Variants in DNAH12 observed in about 807,000 individuals in gnomAD.
DNAH12 encodes dynein axonemal heavy chain 12.
In DNAH12, 285 loss-of-function variants were observed where a neutral mutation model predicts 371.5. That is an observed-to-expected ratio of 0.77 (90% CI 0.70 to 0.85). The LOEUF is 0.85. DNAH12 is among the 40% of genes least tolerant of loss of function. The pLI, the probability that DNAH12 is intolerant of heterozygous loss-of-function variation, is 0.00. For missense variants in DNAH12, 3,611 were observed against 3,689.4 expected (o/e 0.98, Z 0.55); for synonymous variants, 1,200 against 1,213.0 (o/e 0.99, Z 0.22).
intron 49 of DNAH12, among the ~76,000 whole-genome samples, chr3:57,383,101 TC>T (rs1383080826): frequency 2.6e-5 from 4 of 152,166 alleles, no homozygotes; most frequent in Admixed American, 6.5e-5. Context: ...TCTGGAGGCT[TC>T]CTACTCAGAG....
At chr3:57,352,698 C>T (rs2062708148) in intron 59 of DNAH12, among the ~76,000 whole-genome samples, 1 of 151,830 alleles carries the variant, frequency 6.6e-6, no homozygotes, top group East Asian at 1.9e-4. Context: ...GTGTAAGGCT[C>T]TATGGTAGGG....
At chr3:57,534,729 G>A (rs779068270) in intron 2 of DNAH12, among the ~76,000 whole-genome samples, 15 of 152,066 alleles carry the variant, frequency 9.9e-5, no homozygotes, top group Non-Finnish European at 1.9e-4. Flanking sequence ...GTCTGGTCTC[G>A]AACTCCTGAC....
At position 57,334,575 on chromosome 3, in the gene DNAH12, C is replaced by T. The variant is rs2062179772; in HGVS notation, c.9868G>A (p.Glu3290Lys). ...HFCEHIYEWR[E>K]IYDSKEPHNA... ...TGTGGCTCTTTACTGTCATAGATTT[C>T]TCGCCATTCATATATATGTTCACAA... Residue 3290 changes from glutamate (E) to lysine (K), a missense_variant, in exon 62 of 74, where the codon GAA becomes AAA. Physicochemically the swap from Glu to Lys is moderately conservative, Grantham distance 56. Around this residue, in one of 3 missense-constraint regions of DNAH12, gnomAD observed 2,266 missense variants for 2,236.9 expected, o/e 1.01. Transcript: ENST00000495027. 1 of 1,549,442 alleles carries T rather than the reference C, an allele frequency of 6.5e-7. No individual in the cohort carries two copies. Among genetic ancestry groups the T allele is most frequent in the Non-Finnish European group, 8.7e-7 (1 of 1,146,604 alleles).
At chr3:57,332,219 C>A (rs2062115494) in intron 62 of DNAH12, among the ~76,000 whole-genome samples, 2 of 151,988 alleles carry the variant, frequency 1.3e-5, no homozygotes, top group South Asian at 4.2e-4. Flanking sequence ...CAAAATTATC[C>A]CTTTGTAATA....
intron 22 of DNAH12, among the ~76,000 whole-genome samples, chr3:57,456,164 T>C (rs2065897381): frequency 6.6e-6 from 1 of 152,242 alleles, no homozygotes; most frequent in African/African-American, 2.4e-5. Context: ...ATTTCTATAC[T>C]GATTAAAGAA....
At chr3:57,384,369 G>C (rs1040684316) in intron 49 of DNAH12, among the ~76,000 whole-genome samples, 6 of 152,134 alleles carry the variant, frequency 3.9e-5, no homozygotes, top group African/African-American at 1.4e-4. Context: ...AGGCATGGAA[G>C]CTCATGCCTG....
At chr3:57,499,785 C>A (rs1307622722) in intron 11 of DNAH12, among the ~76,000 whole-genome samples, 2 of 146,980 alleles carry the variant, frequency 1.4e-5, no homozygotes, top group East Asian at 2.0e-4. Flanking sequence ...CTGTAGTGAG[C>A]CATGATCATG....
chr3:57,341,268 A>G (rs1294209591), intron 60 of DNAH12, among the ~76,000 whole-genome samples: 3 of 152,136 alleles, frequency 2.0e-5, no homozygotes, highest in African/African-American at 4.8e-5. Flanking sequence ...AGGCAAGGGG[A>G]AAAAAATGAA....
At chr3:57,421,328 A>G (rs1314001645) in intron 36 of DNAH12, among the ~76,000 whole-genome samples, 190 bp downstream of exon 36, 2 of 152,186 alleles carry the variant, frequency 1.3e-5, no homozygotes, top group African/African-American at 4.8e-5. Flanking sequence ...TAAATGTGAA[A>G]TTATAAAAAT....
chr3:57,296,261 AC>A, intron 72 of DNAH12, 82 bp downstream of exon 72: 1 of 1,084,170 alleles, frequency 9.2e-7, no homozygotes, highest in Non-Finnish European at 1.3e-6. Context: ...TTAAAAGAGG[AC>A]TTTTTTTTTA....
intron 69 of DNAH12, among the ~76,000 whole-genome samples, chr3:57,305,385 C>T (rs1210917635): frequency 6.6e-6 from 1 of 152,084 alleles, no homozygotes; most frequent in Non-Finnish European, 1.5e-5. Flanking sequence ...CCCAATTCTT[C>T]CTCAGCCTCC....
chr3:57,350,139 G>A (rs1345818205), intron 60 of DNAH12, among the ~76,000 whole-genome samples: 1 of 152,120 alleles, frequency 6.6e-6, no homozygotes, highest in African/African-American at 2.4e-5. Flanking sequence ...TTGGGAGAAA[G>A]TGTGGGGGGT....
rs1426677026 is a variant in DNAH12 at position 57,391,911 on chromosome 3, G to A, written c.7266C>T (p.Phe2422=). ...TGGTACAGCAATTGATGAGGGATGG[G>A]AACTGTCTCAAGCGATTTCGAAAGG... ...GDAFRNRLRQ[F]PSLINCCTID... is the part of the protein sequence containing the mutation. Residue 2422 remains phenylalanine (F), a synonymous_variant, in exon 45 of 74, where the codon TTC becomes TTT. Coordinates refer to ENST00000495027, the MANE Select transcript of DNAH12 (RefSeq NM_001366028.2). 6.5e-6 allele frequency: 1 copy of A among 152,990 alleles called. No homozygotes were observed. The highest frequency in any genetic ancestry group is 1.5e-5 in the Non-Finnish European group (1 of 68,068). The allele number at this position is 152,990 out of a possible 1,614,324, so 9.5% of individuals were successfully genotyped here. A position where few individuals can be genotyped will look rare whatever the true frequency, so the allele number is the denominator to read the frequency against.
chr3:57,392,602 A>AC (rs2063648314), intron 44 of DNAH12, among the ~76,000 whole-genome samples: 1 of 151,972 alleles, frequency 6.6e-6, no homozygotes, highest in Non-Finnish European at 1.5e-5. Flanking sequence ...ACAAAAACAA[A>AC]AACAAACAAC....
intron 55 of DNAH12, among the ~76,000 whole-genome samples, chr3:57,368,710 C>T (rs2063103726): frequency 6.6e-6 from 1 of 152,166 alleles, no homozygotes; most frequent in African/African-American, 2.4e-5. Flanking sequence ...AGTAGAATTA[C>T]AAACTGTGTC....
At chr3:57,297,782 T>A (rs1212465199) in intron 70 of DNAH12, among the ~76,000 whole-genome samples, 1 of 152,160 alleles carries the variant, frequency 6.6e-6, no homozygotes, top group Non-Finnish European at 1.5e-5. Flanking sequence ...TTCTGCTCAA[T>A]CTATCCAGAA....
Position 57,429,782 on chromosome 3 carries a change from CA to C in DNAH12, c.4981-9del, listed in dbSNP as rs757489969. On this transcript the variant is annotated splice_polypyrimidine_tract_variant and intron_variant, in intron 32 of 73. Coordinates refer to ENST00000495027, the MANE Select transcript of DNAH12 (RefSeq NM_001366028.2). ...TCCACTCATAAGGCAAAGCTAAAAGCAATTATTTTTCAAATGTTTATTTTTT... is the reference window on the plus strand; with the variant it reads ...TCCACTCATAAGGCAAAGCTAAAAGCATTATTTTTCAAATGTTTATTTTTT... 72 of 1,495,186 alleles carry C rather than the reference CA, an allele frequency of 4.8e-5. No homozygotes were observed. Among genetic ancestry groups the C allele is most frequent in the Non-Finnish European group, 6.2e-5 (70 of 1,129,544 alleles). The allele number at this position is 1,495,186 out of a possible 1,614,324, so 92.6% of individuals were successfully genotyped here.
Position 57,507,918 on chromosome 3 carries a change from G to C in DNAH12, c.702-80C>G, listed in dbSNP as rs1285953275. The stretch of plus-strand genomic sequence containing the variant: ...AAACACAATTGTTGGGCCGGGCTCG[G>C]TGGTTCACACCTGTAATCTCAGCAC... On this transcript the variant is annotated intron_variant, in intron 7 of 73. Coordinates refer to ENST00000495027, the MANE Select transcript of DNAH12 (RefSeq NM_001366028.2). 2.3e-6 allele frequency: 3 copies of C among 1,312,568 alleles called. No individual in the cohort carries two copies. The Admixed American group carries it at 7.9e-5, about 34-fold the overall frequency. The allele number at this position is 1,312,568 out of a possible 1,614,324, so 81.3% of individuals were successfully genotyped here. A position where few individuals can be genotyped will look rare whatever the true frequency, so the allele number is the denominator to read the frequency against.
At position 57,323,143 on chromosome 3, in the gene DNAH12, CCTT is replaced by C. The variant is rs1175016679; in HGVS notation, c.10244_10246del (p.Glu3415del). Reference sequence around the variant, plus strand: ...GCAATTCTGTAGGCACACCCAAGTTCCTTCTTCAATTGCTGCTTTAATCATTTT... The same window carrying C: ...GCAATTCTGTAGGCACACCCAAGTTCCTTCAATTGCTGCTTTAATCATTTT... On this transcript the variant is annotated inframe_deletion, in exon 64 of 74. Transcript: ENST00000495027. 2.6e-6 allele frequency: 4 copies of C among 1,552,280 alleles called. No individual in the cohort carries two copies. In the Admixed American group the frequency reaches 7.8e-5, roughly 30 times the overall value.
Sources: allele counts gnomAD v4.1 joint callset (sites outside exome capture counted in the v4.1 genomes callset), GRCh38; gene constraint gnomAD v4.1.1; regional missense constraint gnomAD v4.1.1; transcripts MANE v1.5; gene names NCBI Gene and HGNC (gene_info 2026-07-23, HGNC 2026-07-21).